DYSF: variants seen among roughly 807,000 people sequenced by gnomAD.
DYSF encodes dysferlin.
Under a neutral mutation model 274.9 loss-of-function variants are expected in DYSF, and 212 were observed. The ratio of observed to expected loss-of-function variants is 0.77; its 90% confidence interval spans 0.69 to 0.86. DYSF has a LOEUF of 0.86. Ranked by LOEUF, DYSF falls within the 40% of genes least tolerant of loss-of-function variation. The pLI is 0.00. For missense variants in DYSF, 2,666 were observed against 2,783.2 expected (o/e 0.96, Z 0.95); for synonymous variants, 1,091 against 1,078.7 (o/e 1.01, Z -0.22).
At chr2:71,551,266 G>A in intron 18 of DYSF, 110 bp downstream of exon 18, 1 of 1,093,532 alleles carries the variant, frequency 9.1e-7, no homozygotes, top group Non-Finnish European at 1.4e-6. Flanking sequence ...CCACGACCTG[G>A]CAGCCAACCC....
chr2:71,674,943 G>T (rs1459061717), intron 52 of DYSF, among the ~76,000 whole-genome samples: 1 of 152,124 alleles, frequency 6.6e-6, no homozygotes, highest in Non-Finnish European at 1.5e-5. Context: ...TGGAAAATGT[G>T]GTCTATCCAT....
At chr2:71,556,887 G>A (rs970670795) in intron 22 of DYSF, among the ~76,000 whole-genome samples, 8 of 152,150 alleles carry the variant, frequency 5.3e-5, no homozygotes, top group Non-Finnish European at 8.8e-5. Context: ...GCTCCCATAC[G>A]CCTCATCACC....
Position 71,555,994 on chromosome 2 carries a change from C to A in DYSF, c.2139C>A (p.Ala713=). 6.4e-7 allele frequency: 1 copy of A among 1,570,670 alleles called. No individual in the cohort carries two copies. The highest frequency in any genetic ancestry group is 8.6e-7 in the Non-Finnish European group (1 of 1,157,882). Residue 713 remains alanine (A), a synonymous_variant, in exon 22 of 56, where the codon GCC becomes GCA. Transcript: ENST00000410020. ...CTGGCCTGGAGCAGGTCCACCTGGC[C>A]CTGAAGGCGCAGTGCTCCACGGAGG... ...LEAGLEQVHL[A]LKAQCSTEDV...
At chr2:71,602,559 C>G (rs974397627) in intron 35 of DYSF, 1 of 536,068 alleles carries the variant, frequency 1.9e-6, no homozygotes, top group East Asian at 3.2e-5. Context: ...ATCCATCACA[C>G]CTTCTTTCCC....
intron 31 of DYSF, 120 bp from the exon 32 acceptor site, chr2:71,590,089 TCC>T: frequency 1.1e-6 from 1 of 930,508 alleles, no homozygotes; most frequent in South Asian, 1.4e-5. Flanking sequence ...CTGTGTGGTT[TCC>T]CTCATTCAGC....
At chr2:71,610,138 G>T (rs2093722616) in intron 36 of DYSF, among the ~76,000 whole-genome samples, 1 of 152,210 alleles carries the variant, frequency 6.6e-6, no homozygotes, top group African/African-American at 2.4e-5. Context: ...ATAGGTGGCA[G>T]TAAAGTGTCT....
chr2:71,633,201 G>T (rs956921241), intron 41 of DYSF, among the ~76,000 whole-genome samples: 1 of 152,196 alleles, frequency 6.6e-6, no homozygotes, highest in African/African-American at 2.4e-5. Flanking sequence ...ATGTCTTTGT[G>T]GCTTTGGGGG....
Position 71,511,400 on chromosome 2 carries a change from A to G in DYSF, c.346-407A>G, listed in dbSNP as rs61354506. Reference sequence around the variant, plus strand: ...ATTTTCCTGAAGACAGGCCAAGTGGATAGTGGGAAAAATCCTGCAGGTGAG... The same window carrying G: ...ATTTTCCTGAAGACAGGCCAAGTGGGTAGTGGGAAAAATCCTGCAGGTGAG... On this transcript the variant is annotated intron_variant, in intron 4 of 55. Coordinates refer to ENST00000410020, the MANE Select transcript of DYSF (RefSeq NM_001130987.2). Among the ~76,000 whole-genome samples, 53 of 152,342 alleles carry G rather than the reference A, an allele frequency of 3.5e-4. No homozygotes were observed. The East Asian group carries it at 7.9e-3, about 23-fold the overall frequency.
chr2:71,469,886 T>C (rs764794773), intron 1 of DYSF, among the ~76,000 whole-genome samples: 20 of 152,196 alleles, frequency 1.3e-4, no homozygotes, highest in Non-Finnish European at 2.8e-4. Context: ...GCCCTGCCCA[T>C]TTTCCATTCC....
In DYSF at chr2:71,474,867, C is replaced by T. The variant is rs140928036; in HGVS notation, c.92-6016C>T. Reference sequence around the variant, plus strand: ...ACCAGGAAATGAGTTTCCAAGTGTGCAACTCATGAGAGGCTGCAGATGGAA... The same window carrying T: ...ACCAGGAAATGAGTTTCCAAGTGTGTAACTCATGAGAGGCTGCAGATGGAA... On this transcript the variant is annotated intron_variant, in intron 1 of 55. Transcript: ENST00000410020. Among the ~76,000 whole-genome samples, 935 of 152,282 alleles carry T rather than the reference C, an allele frequency of 6.1e-3. 9 individuals are homozygous for T. Among genetic ancestry groups the T allele is most frequent in the African/African-American group, 0.021 (870 of 41,532 alleles).
rs200258984 is a variant in DYSF, at chr2:71,571,617, C to T, written c.3228+876C>T. 3.0e-3 allele frequency among the ~76,000 whole-genome samples: 415 copies of T among 139,132 alleles called. 15 individuals are homozygous for T. In the East Asian group the frequency reaches 0.088, roughly 29 times the overall value. 91.3% of individuals were successfully genotyped at this position (139,132 alleles called of 152,430 possible). On this transcript the variant is annotated intron_variant, in intron 29 of 55. Transcript: ENST00000410020. The stretch of plus-strand genomic sequence containing the variant: ...GCACACACAGCTCACACCCAGCACA[C>T]ACACAGATCACACCCAGCACATGCA...
intron 22 of DYSF, among the ~76,000 whole-genome samples, chr2:71,561,024 G>A (rs1354068224): frequency 6.6e-6 from 1 of 152,178 alleles, no homozygotes. Flanking sequence ...CCATATGAAG[G>A]ACTTTCAGGG....
intron 39 of DYSF, 31 bp downstream of exon 39, chr2:71,612,837 G>A (rs1252547261): frequency 6.3e-6 from 10 of 1,595,994 alleles, no homozygotes; most frequent in Non-Finnish European, 8.6e-6. Flanking sequence ...GGGCAGGTCA[G>A]GGAAGGGGGA....
intron 6 of DYSF, among the ~76,000 whole-genome samples, 165 bp downstream of exon 6, chr2:71,513,497 A>T (rs1055209409): frequency 8.5e-5 from 13 of 152,176 alleles, no homozygotes; most frequent in Admixed American, 1.3e-4. Flanking sequence ...CTGTTGACTA[A>T]CTGGACTGAC....
At chr2:71,643,911 T>C in intron 41 of DYSF, 54 bp from the exon 42 acceptor site, 3 of 1,427,614 alleles carry the variant, frequency 2.1e-6, no homozygotes, top group Non-Finnish European at 2.9e-6. Flanking sequence ...CTCTGAAGAA[T>C]GCTGCTTGGC....
intron 1 of DYSF, among the ~76,000 whole-genome samples, chr2:71,475,313 AG>A (rs147830338): frequency 0.025 from 3,761 of 152,318 alleles, 176 homozygotes; most frequent in African/African-American, 0.086. Flanking sequence ...TGGAAAGAAA[AG>A]GACCCATTCA....
chr2:71,592,815 G>A (rs926887742), intron 32 of DYSF, among the ~76,000 whole-genome samples: 3 of 152,212 alleles, frequency 2.0e-5, no homozygotes. Context: ...GGGTCTCGGG[G>A]CTGCCCGGAC....
At chr2:71,603,121 G>A (rs530151155) in intron 36 of DYSF, among the ~76,000 whole-genome samples, 205 of 152,346 alleles carry the variant, frequency 1.3e-3, no homozygotes, top group Non-Finnish European at 2.2e-3. Flanking sequence ...AAATTGTTTG[G>A]AAGGGGCCAG....
At chr2:71,670,283 T>G (rs576178654) in intron 51 of DYSF, among the ~76,000 whole-genome samples, 1 of 152,306 alleles carries the variant, frequency 6.6e-6, no homozygotes, top group East Asian at 1.9e-4. Context: ...CTCAGACAAG[T>G]TAAGCAGCAG....
Sources: allele counts gnomAD v4.1 joint callset (sites outside exome capture counted in the v4.1 genomes callset), GRCh38; gene constraint gnomAD v4.1.1; transcripts MANE v1.5; gene names NCBI Gene and HGNC (gene_info 2026-07-23, HGNC 2026-07-21).